LOXHD1: variants seen among roughly 807,000 people sequenced by gnomAD.
LOXHD1 encodes lipoxygenase homology PLAT domains 1.
In LOXHD1, 205 loss-of-function variants were observed where a neutral mutation model predicts 248.2. The ratio of observed to expected loss-of-function variants is 0.83; its 90% confidence interval spans 0.74 to 0.93. LOXHD1 has a LOEUF of 0.93. Ranked by LOEUF, LOXHD1 falls within the 40% of genes least tolerant of loss-of-function variation. LOXHD1 has a pLI of 0.00. For missense variants in LOXHD1, 2,930 were observed against 2,971.6 expected, an observed-to-expected ratio of 0.99 and a Z score of 0.33; for synonymous variants, 1,113 against 1,162.8, an observed-to-expected ratio of 0.96 and a Z score of 0.87.
At chr18:46,576,476 A>G (rs1168705468) in intron 14 of LOXHD1, among the ~76,000 whole-genome samples, 1 of 151,052 alleles carries the variant, frequency 6.6e-6, no homozygotes, top group Non-Finnish European at 1.5e-5. Context: ...GCCTCATGCC[A>G]TTTCTTCAGC....
At chr18:46,516,934 C>G (rs2035284649) in intron 34 of LOXHD1, among the ~76,000 whole-genome samples, 1 of 152,158 alleles carries the variant, frequency 6.6e-6, no homozygotes, top group Non-Finnish European at 1.5e-5. Context: ...CCATCAATAT[C>G]ACCATCCTCA....
At position 46,577,350 on chromosome 18, in the gene LOXHD1, A is replaced by AC. The variant is rs529131296; in HGVS notation, c.1970+356dup. 9.2e-3 allele frequency among the ~76,000 whole-genome samples: 1,405 copies of AC among 152,148 alleles called. 16 individuals carry two copies. Among genetic ancestry groups the AC allele is most frequent in the Middle Eastern group, 0.017 (5 of 294 alleles). On this transcript the variant is annotated intron_variant, in intron 14 of 40. Transcript: ENST00000642948. ...AGAAAGTTATTTAAATTAAAAAAAA[A>AC]CTTTTGATTTAAAAGTTTAATTCAA...
At chr18:46,520,137 T>C (rs1415924933) in intron 33 of LOXHD1, among the ~76,000 whole-genome samples, 2 of 152,152 alleles carry the variant, frequency 1.3e-5, no homozygotes, top group Non-Finnish European at 2.9e-5. Context: ...AGGGGAAGGA[T>C]GTGCGCTATA....
chr18:46,635,945 G>A (rs954704662), intron 4 of LOXHD1, among the ~76,000 whole-genome samples: 3 of 152,140 alleles, frequency 2.0e-5, no homozygotes, highest in Admixed American at 6.5e-5. Context: ...ATAGATCCCC[G>A]AGTCCTGGAG....
At position 46,507,697 on chromosome 18, in the gene LOXHD1, TG is replaced by T; in HGVS notation, c.5532del (p.Asn1844LysfsTer2). The T allele has an allele frequency of 6.4e-7, 1 of 1,551,442 alleles. No individual in the cohort carries two copies. The highest frequency in any genetic ancestry group is 8.7e-7 in the Non-Finnish European group (1 of 1,146,770). On this transcript the variant is annotated frameshift_variant, in exon 36 of 41. Transcript: ENST00000642948. LOFTEE classifies it high-confidence loss of function. ...EWFLERILLK[N>X]MNTGDLTMFY... ...AACATGGTCAGGTCTCCAGTGTTCA[TG>T]TTCTTCAGTAGGATCTGGGGGAGAG...
chr18:46,541,607 C>T (rs1304488261), intron 25 of LOXHD1, among the ~76,000 whole-genome samples, 169 bp downstream of exon 25: 1 of 152,204 alleles, frequency 6.6e-6, no homozygotes, highest in African/African-American at 2.4e-5. Context: ...GTCCAGAACT[C>T]TGCCCACAGC....
Position 46,557,440 on chromosome 18 carries a change from A to G in LOXHD1, c.3266T>C (p.Ile1089Thr). Residue 1089 changes from isoleucine to threonine, a missense_variant, in exon 21 of 41, where the codon ATT becomes ACT. Physicochemically the swap from Ile to Thr is moderately conservative, Grantham distance 89 (BLOSUM62 -1). Coordinates refer to ENST00000642948, the MANE Select transcript of LOXHD1 (RefSeq NM_001384474.1). ...YAIDLGALTK[I>T]RIRHDNTGNR... ...GCCTGTGTTGTCGTGGCGAATCCGAATCTTGGTCAGGGCCCCCAGGTCAAT... is the reference window on the plus strand; with the variant it reads ...GCCTGTGTTGTCGTGGCGAATCCGAGTCTTGGTCAGGGCCCCCAGGTCAAT... The G allele has an allele frequency of 6.4e-7, 1 of 1,552,076 alleles. No homozygotes were observed. The highest frequency in any genetic ancestry group is 1.2e-5 in the South Asian group (1 of 84,054).
chr18:46,497,385 G>A (rs2033940454), intron 37 of LOXHD1, among the ~76,000 whole-genome samples: 1 of 152,168 alleles, frequency 6.6e-6, no homozygotes, highest in African/African-American at 2.4e-5. Flanking sequence ...GGAAGGAATT[G>A]GCTGATTGGA....
intron 7 of LOXHD1, 162 bp from the exon 8 acceptor site, chr18:46,601,629 T>G (rs2038341925): frequency 1.1e-6 from 1 of 942,688 alleles, no homozygotes; most frequent in Non-Finnish European, 1.6e-6. Flanking sequence ...CTAATGTCCC[T>G]CTCGACCTCA....
At chr18:46,518,073 C>T in intron 34 of LOXHD1, 56 bp downstream of exon 34, 1 of 1,546,764 alleles carries the variant, frequency 6.5e-7, no homozygotes, top group Admixed American at 2.0e-5. Context: ...CAGGGTGGGG[C>T]AGAGGGGGAG....
intron 21 of LOXHD1, among the ~76,000 whole-genome samples, chr18:46,552,085 T>A (rs1333786266): frequency 6.6e-6 from 1 of 152,198 alleles, no homozygotes; most frequent in Non-Finnish European, 1.5e-5. Context: ...TTAATGGGTA[T>A]AGTTTCAGTC....
chr18:46,533,078 T>G (rs1421977154), intron 28 of LOXHD1, 84 bp downstream of exon 28: 1 of 1,449,170 alleles, frequency 6.9e-7, no homozygotes, highest in Admixed American at 2.1e-5. Context: ...GTGAAGAGGC[T>G]TAGCCTGGCA....
chr18:46,641,397 A>G (rs1275131059), intron 3 of LOXHD1, among the ~76,000 whole-genome samples: 1 of 152,102 alleles, frequency 6.6e-6, no homozygotes. Flanking sequence ...TGGACTAGTA[A>G]TCTCTCCTTA....
At chr18:46,584,010 A>G (rs1477079990) in intron 12 of LOXHD1, among the ~76,000 whole-genome samples, 1 of 152,210 alleles carries the variant, frequency 6.6e-6, no homozygotes, top group African/African-American at 2.4e-5. Flanking sequence ...AATACGATTC[A>G]GCCACAAAAA....
intron 29 of LOXHD1, among the ~76,000 whole-genome samples, chr18:46,527,850 C>T (rs1227349565): frequency 2.0e-5 from 3 of 152,206 alleles, no homozygotes; most frequent in Non-Finnish European, 4.4e-5. Flanking sequence ...AATTAGCAAT[C>T]ATATTACTAT....
At chr18:46,527,065 A>G (rs1273236426) in intron 29 of LOXHD1, among the ~76,000 whole-genome samples, 1 of 152,036 alleles carries the variant, frequency 6.6e-6, no homozygotes, top group East Asian at 1.9e-4. Context: ...CTGGAGGAAA[A>G]CAGAAGAAAG....
chr18:46,494,529 G>A (rs1353728656), intron 37 of LOXHD1, among the ~76,000 whole-genome samples: 3 of 152,218 alleles, frequency 2.0e-5, no homozygotes, highest in African/African-American at 4.8e-5. Flanking sequence ...AGCCCTAGCT[G>A]TGGATGAATA....
intron 4 of LOXHD1, among the ~76,000 whole-genome samples, chr18:46,626,592 T>C (rs1412397492): frequency 2.0e-5 from 3 of 152,166 alleles, no homozygotes; most frequent in Non-Finnish European, 4.4e-5. Context: ...GGCTATAATG[T>C]AGTATTAAGT....
intron 17 of LOXHD1, 89 bp downstream of exon 17, chr18:46,566,168 C>A (rs904359223): frequency 7.2e-7 from 1 of 1,397,300 alleles, no homozygotes; most frequent in Non-Finnish European, 9.6e-7. Flanking sequence ...GTCAGCAAGA[C>A]CTGCTTTGCC....
Sources: gnomAD v4.1 joint callset for allele counts (sites outside exome capture counted in the v4.1 genomes callset) on GRCh38, gnomAD v4.1.1 for gene constraint, MANE v1.5 for transcripts, NCBI Gene and HGNC (gene_info 2026-07-23, HGNC 2026-07-21) for gene names.